Variants in CWF19L2 observed in about 807,000 individuals in gnomAD.
CWF19L2 encodes the protein CWF19 like cell cycle control factor 2.
In CWF19L2, 98 loss-of-function variants were observed where a neutral mutation model predicts 111.7. That is an observed-to-expected ratio of 0.88 (90% CI 0.75 to 1.04). The LOEUF (loss-of-function observed/expected upper bound fraction) is 1.04. CWF19L2 is among the 50% of genes least tolerant of loss of function. CWF19L2 has a pLI of 0.00. For synonymous variants in CWF19L2, 351 were observed against 342.9 expected (o/e 1.02, Z -0.26); for missense variants, 1,101 against 1,051.4 (o/e 1.05, Z -0.65).
rs1485168996 is a variant in CWF19L2, at chr11:107,336,604, A to G, written c.2312T>C (p.Ile771Thr). ...KKQYHMVYEC[I>T]PLPKEVGDMA... is the part of the protein sequence containing the mutation. ...GTCACCCACTTCCTTGGGAAGAGGA[A>G]TACATTCATAAACCATGTGATACTG... The change falls in exon 15 of 18, where the codon ATT (isoleucine) becomes ACT (threonine). Residue 771 changes from isoleucine to threonine, a missense_variant. Physicochemically the swap from Ile to Thr is moderately conservative, Grantham distance 89. Transcript: ENST00000282251. 6.2e-7 allele frequency: 1 copy of G among 1,608,744 alleles called. No homozygotes were observed. The highest frequency in any genetic ancestry group is 8.5e-7 in the Non-Finnish European group (1 of 1,177,742).
chr11:107,333,254 C>T (rs541794131), intron 16 of CWF19L2, among the ~76,000 whole-genome samples: 1 of 152,244 alleles, frequency 6.6e-6, no homozygotes, highest in Non-Finnish European at 1.5e-5. Flanking sequence ...GCCATTTTTA[C>T]AGTATCTGTG....
At chr11:107,357,983 GATTAT>G (rs1321965995) in intron 12 of CWF19L2, among the ~76,000 whole-genome samples, 2 of 152,116 alleles carry the variant, frequency 1.3e-5, no homozygotes, top group African/African-American at 2.4e-5. Flanking sequence ...TTAAAAAGCT[GATTAT>G]ATTATACAAA....
intron 6 of CWF19L2, among the ~76,000 whole-genome samples, chr11:107,435,699 G>T (rs1415262794): frequency 6.6e-6 from 1 of 151,680 alleles, no homozygotes; most frequent in East Asian, 1.9e-4. Context: ...ATTAGAGATG[G>T]CAATAATGAA....
chr11:107,406,552 T>G (rs1243834309), intron 10 of CWF19L2, among the ~76,000 whole-genome samples: 1 of 152,192 alleles, frequency 6.6e-6, no homozygotes, highest in Non-Finnish European at 1.5e-5. Flanking sequence ...GGACTGCATC[T>G]GCCCAAAGGA....
rs761663112 is a variant in CWF19L2 at position 107,353,524 on chromosome 11, C to T, written c.2085G>A (p.Lys695=). ...GCAAAGGATAATAAATACTTCTTAC[C>T]TTAACACCTATTGCAACAATAAGAT... is the stretch of plus-strand genomic sequence containing the variant. ...PKHLIVAIGV[K]VYLCLPNVRS... The change falls in exon 13 of 18, where the codon AAG becomes AAA. Residue 695 remains lysine (K), a splice_region_variant and synonymous_variant. Coordinates refer to ENST00000282251, the MANE Select transcript of CWF19L2 (RefSeq NM_152434.3). The T allele has an allele frequency of 3.5e-5, 57 of 1,610,590 alleles. 1 individual carries two copies. Among genetic ancestry groups the T allele is most frequent in the Non-Finnish European group, 4.2e-5 (50 of 1,177,286 alleles).
intron 6 of CWF19L2, among the ~76,000 whole-genome samples, chr11:107,437,386 C>T (rs935619485): frequency 2.0e-5 from 3 of 152,128 alleles, no homozygotes; most frequent in African/African-American, 7.2e-5. Flanking sequence ...TTAACAATAA[C>T]ACTATGTCAC....
chr11:107,452,926 A>G (rs1861798015), intron 3 of CWF19L2, among the ~76,000 whole-genome samples: 1 of 152,212 alleles, frequency 6.6e-6, no homozygotes, highest in African/African-American at 2.4e-5. Flanking sequence ...GCAATGAGCC[A>G]TGATGGTGCC....
chr11:107,457,712 C>G lies in CWF19L2; in HGVS notation c.105G>C (p.Gln35His), dbSNP rs1861875353. The G allele has an allele frequency of 6.5e-7, 1 of 1,550,102 alleles. No homozygotes were observed. The highest frequency in any genetic ancestry group is 1.4e-5 in the African/African-American group (1 of 73,016). Reference protein sequence around the residue: ...TRNARAEVLRQAKANFEKEER... With the variant: ...TRNARAEVLRHAKANFEKEER... Reference sequence around the variant, plus strand: ...TACAAAAGCCCCAAAACAGAGGTACCTGGCGCAACACCTCGGCCCTGGCAT... The same window carrying G: ...TACAAAAGCCCCAAAACAGAGGTACGTGGCGCAACACCTCGGCCCTGGCAT... Residue 35 changes from glutamine (Q) to histidine (H), a missense_variant and splice_region_variant, in exon 1 of 18, where the codon CAG (glutamine) becomes CAC (histidine). Coordinates refer to ENST00000282251, the MANE Select transcript of CWF19L2 (RefSeq NM_152434.3).
At chr11:107,361,732 T>G (rs896785862) in intron 12 of CWF19L2, among the ~76,000 whole-genome samples, 3 of 152,226 alleles carry the variant, frequency 2.0e-5, no homozygotes, top group African/African-American at 4.8e-5. Flanking sequence ...TTTTTATAGC[T>G]ATTGTAAATG....
intron 7 of CWF19L2, among the ~76,000 whole-genome samples, chr11:107,432,970 GGT>G (rs1044063308): frequency 6.6e-6 from 1 of 151,958 alleles, no homozygotes; most frequent in Non-Finnish European, 1.5e-5. Context: ...AAAATTAACA[GGT>G]CATTAAAATG....
At chr11:107,428,731 T>A in intron 8 of CWF19L2, 68 bp downstream of exon 8, 3 of 1,257,276 alleles carry the variant, frequency 2.4e-6, no homozygotes, top group Non-Finnish European at 3.3e-6. Context: ...ACTGATGTTC[T>A]AAAAATACAG....
intron 3 of CWF19L2, among the ~76,000 whole-genome samples, chr11:107,448,804 T>G (rs756872481): frequency 7.2e-5 from 11 of 152,128 alleles, no homozygotes; most frequent in Admixed American, 6.5e-4. Context: ...TCTGAGGAAC[T>G]GAACCCTCAT....
chr11:107,351,206 A>G (rs1860152111), intron 13 of CWF19L2, among the ~76,000 whole-genome samples: 1 of 152,234 alleles, frequency 6.6e-6, no homozygotes, highest in Non-Finnish European at 1.5e-5. Context: ...TGGTAGAAAT[A>G]AAGATTATGA....
rs138761148 is a variant in CWF19L2, at chr11:107,388,238, A to G, written c.1872+1836T>C. ...TATAATATATTGTTACATAGTTTAT[A>G]TATTTGTTCACTTTCTCATCCACTA... On this transcript the variant is annotated intron_variant, in intron 12 of 17. Coordinates refer to ENST00000282251, the MANE Select transcript of CWF19L2 (RefSeq NM_152434.3). Among the ~76,000 whole-genome samples the G allele has an allele frequency of 4.3e-3, 660 of 152,352 alleles. 4 individuals carry two copies. Among genetic ancestry groups the G allele is most frequent in the African/African-American group, 0.015 (616 of 41,576 alleles).
chr11:107,347,639 CTAAACTATAATG>C (rs1265113888), intron 14 of CWF19L2, among the ~76,000 whole-genome samples: 1 of 152,158 alleles, frequency 6.6e-6, no homozygotes, highest in African/African-American at 2.4e-5. Flanking sequence ...CCAAACTCTG[CTAAACTATAATG>C]TAAACTATAC....
intron 5 of CWF19L2, among the ~76,000 whole-genome samples, chr11:107,440,452 T>C (rs1391059602): frequency 6.6e-6 from 1 of 152,190 alleles, no homozygotes; most frequent in African/African-American, 2.4e-5. Flanking sequence ...ACCATACAGA[T>C]TTGATTTCTT....
At chr11:107,378,023 C>T (rs371268263) in intron 12 of CWF19L2, among the ~76,000 whole-genome samples, 1,875 of 127,932 alleles carry the variant, frequency 0.015, 2 homozygotes, top group Non-Finnish European at 0.023. Flanking sequence ...AAAATGCTCA[C>T]CATCACTGGC....
chr11:107,433,581 AT>A, intron 7 of CWF19L2, 52 bp downstream of exon 7: 1 of 776,214 alleles, frequency 1.3e-6, no homozygotes, highest in Non-Finnish European at 1.9e-6. Context: ...AAGGCACTTA[AT>A]TTTTCACCTA....
At chr11:107,390,772 T>C (rs1860835556) in intron 11 of CWF19L2, among the ~76,000 whole-genome samples, 1 of 152,184 alleles carries the variant, frequency 6.6e-6, no homozygotes, top group Non-Finnish European at 1.5e-5. Context: ...ATACTGAGTG[T>C]CAACTTGATT....
Sources: gnomAD v4.1 joint callset for allele counts (sites outside exome capture counted in the v4.1 genomes callset) on GRCh38, gnomAD v4.1.1 for gene constraint, MANE v1.5 for transcripts, NCBI Gene and HGNC (gene_info 2026-07-23, HGNC 2026-07-21) for gene names.